Variants in ADAMTS20 observed in about 807,000 individuals in gnomAD.
ADAMTS20 encodes the protein ADAM metallopeptidase with thrombospondin type 1 motif 20.
Under a neutral mutation model 260.1 loss-of-function variants are expected in ADAMTS20, and 225 were observed. That is an observed-to-expected ratio of 0.87 (90% CI 0.78 to 0.97). The LOEUF (loss-of-function observed/expected upper bound fraction) is 0.97. Ranked by LOEUF, ADAMTS20 falls within the 50% of genes least tolerant of loss-of-function variation. ADAMTS20 has a pLI of 0.00. For synonymous variants in ADAMTS20, 802 were observed against 769.5 expected, an observed-to-expected ratio of 1.04 and a Z score of -0.70; for missense variants, 2,400 against 2,337.7, an observed-to-expected ratio of 1.03 and a Z score of -0.55.
intron 29 of ADAMTS20, among the ~76,000 whole-genome samples, chr12:43,397,677 A>G (rs1940732185): frequency 6.6e-6 from 1 of 152,182 alleles, no homozygotes; most frequent in South Asian, 2.1e-4. Flanking sequence ...TTAAATCATG[A>G]CCTCTGGTAA....
At chr12:43,498,662 T>G (rs1383809182) in intron 4 of ADAMTS20, among the ~76,000 whole-genome samples, 1 of 152,204 alleles carries the variant, frequency 6.6e-6, no homozygotes, top group East Asian at 1.9e-4. Context: ...TGTGGACACT[T>G]ATGTGCAAAT....
chr12:43,405,617 C>T (rs1280466176), intron 28 of ADAMTS20, among the ~76,000 whole-genome samples: 3 of 151,818 alleles, frequency 2.0e-5, no homozygotes, highest in African/African-American at 7.3e-5. Context: ...ATTTTTCTCC[C>T]TCAACCATTT....
intron 16 of ADAMTS20, 88 bp downstream of exon 16, chr12:43,443,703 C>T: frequency 3.8e-6 from 4 of 1,053,276 alleles, no homozygotes; most frequent in African/African-American, 1.6e-5. Context: ...AAAGGGACTC[C>T]TGTTTTCCAA....
rs1378580839 is a variant in ADAMTS20, at chr12:43,385,988, A to C, written c.4453-2011T>G. ...TGATGGTAGTTTGTATTTCTGTGGG[A>C]TCAGTGGTGATATCTCCTTTATCAT... On this transcript the variant is annotated intron_variant, in intron 29 of 38. Transcript: ENST00000389420. 2.6e-5 allele frequency among the ~76,000 whole-genome samples: 4 copies of C among 152,088 alleles called. No homozygotes were observed. The South Asian group carries it at 8.3e-4, about 32-fold the overall frequency.
chr12:43,531,520 G>T (rs1943219966), intron 3 of ADAMTS20, among the ~76,000 whole-genome samples: 1 of 152,050 alleles, frequency 6.6e-6, no homozygotes, highest in Non-Finnish European at 1.5e-5. Context: ...TTGTTTAAAA[G>T]ATCATGTCCT....
intron 2 of ADAMTS20, among the ~76,000 whole-genome samples, chr12:43,535,783 G>T (rs1592114941): frequency 6.6e-6 from 1 of 151,988 alleles, no homozygotes; most frequent in South Asian, 2.1e-4. Flanking sequence ...TCTAAGAAGG[G>T]TTCATTTAAT....
intron 12 of ADAMTS20, among the ~76,000 whole-genome samples, 172 bp downstream of exon 12, chr12:43,453,734 TA>T (rs768370249): frequency 1.3e-5 from 2 of 151,194 alleles, no homozygotes; most frequent in Non-Finnish European, 3.0e-5. Context: ...TTTTTTTTTT[TA>T]AATGTCTGAA....
intron 3 of ADAMTS20, among the ~76,000 whole-genome samples, chr12:43,520,626 T>G (rs901484279): frequency 6.6e-6 from 1 of 152,170 alleles, no homozygotes; most frequent in African/African-American, 2.4e-5. Context: ...AAGTGATCTT[T>G]GAAAGAGTAG....
rs1941530603 is a variant in ADAMTS20 at position 43,435,360 on chromosome 12, G to C, written c.2594-989C>G. Among the ~76,000 whole-genome samples the C allele has an allele frequency of 2.0e-5, 3 of 152,164 alleles. No individual in the cohort carries two copies. In the South Asian group the frequency reaches 6.2e-4, roughly 32 times the overall value. On this transcript the variant is annotated intron_variant, in intron 18 of 38. Coordinates refer to ENST00000389420, the MANE Select transcript of ADAMTS20 (RefSeq NM_025003.5). ...AACTTCTCTAAAAAATAAAGTCTAG[G>C]CCGGGCGTGTTGGCTCACACCTGTA...
intron 4 of ADAMTS20, among the ~76,000 whole-genome samples, chr12:43,501,503 A>ACACACACACACACACACACACACACC (rs1565574033): frequency 1.0e-5 from 1 of 96,872 alleles, no homozygotes; most frequent in Non-Finnish European, 2.2e-5. Flanking sequence ...ACACACACAC[A>ACACACACACACACACACACACACACC]TGTAAGGATG....
chr12:43,514,426 G>A (rs1470045953), intron 3 of ADAMTS20, among the ~76,000 whole-genome samples: 1 of 151,780 alleles, frequency 6.6e-6, no homozygotes, highest in East Asian at 2.0e-4. Context: ...GTTGGGTGTA[G>A]TGGCGCGTGC....
rs1941443528 is a variant in ADAMTS20, at chr12:43,431,516, C to A, written c.3097-20G>T. 6.2e-7 allele frequency: 1 copy of A among 1,613,296 alleles called. No individual in the cohort carries two copies. The highest frequency in any genetic ancestry group is 8.5e-7 in the Non-Finnish European group (1 of 1,179,552). ...AAGGCACTGTAAGAATAAAACTGAT[C>A]ATTATTTATTTGCAGCATTAGTCAA... is the stretch of plus-strand genomic sequence containing the variant. On this transcript the variant is annotated intron_variant, in intron 21 of 38. Transcript: ENST00000389420.
At chr12:43,517,417 A>G (rs1030788589) in intron 3 of ADAMTS20, among the ~76,000 whole-genome samples, 1 of 152,030 alleles carries the variant, frequency 6.6e-6, no homozygotes, top group Non-Finnish European at 1.5e-5. Flanking sequence ...GTTAGAAAAT[A>G]AAATTTTTAA....
intron 22 of ADAMTS20, among the ~76,000 whole-genome samples, chr12:43,430,677 C>T (rs1236671962): frequency 1.3e-5 from 2 of 151,464 alleles, no homozygotes; most frequent in Non-Finnish European, 2.9e-5. Context: ...TGAAGTTAAC[C>T]AAACTGTACA....
chr12:43,371,197 C>A (rs546364659), intron 36 of ADAMTS20, among the ~76,000 whole-genome samples: 15 of 152,286 alleles, frequency 9.8e-5, no homozygotes, highest in African/African-American at 3.6e-4. Flanking sequence ...ATGCTTCTCC[C>A]TTCCATGCTT....
chr12:43,425,195 G>A (rs1941308245), intron 28 of ADAMTS20, among the ~76,000 whole-genome samples: 1 of 152,096 alleles, frequency 6.6e-6, no homozygotes, highest in Non-Finnish European at 1.5e-5. Flanking sequence ...CTTATAAGTG[G>A]AAGCTGAATG....
intron 36 of ADAMTS20, among the ~76,000 whole-genome samples, chr12:43,373,161 C>T (rs1940142302): frequency 6.6e-6 from 1 of 152,148 alleles, no homozygotes; most frequent in Non-Finnish European, 1.5e-5. Context: ...TTAATCAAGG[C>T]TGGATTTTTA....
intron 28 of ADAMTS20, among the ~76,000 whole-genome samples, chr12:43,403,919 T>G (rs569461478): frequency 6.6e-6 from 1 of 152,102 alleles, no homozygotes. Context: ...CATGTCATCA[T>G]ATCATTTCCT....
chr12:43,390,637 T>C (rs1356663930), intron 29 of ADAMTS20, among the ~76,000 whole-genome samples: 2 of 152,208 alleles, frequency 1.3e-5, no homozygotes, highest in East Asian at 1.9e-4. Context: ...TGTTTTTTTG[T>C]TTGTTTTTTG....
Sources: gnomAD v4.1 joint callset for allele counts (sites outside exome capture counted in the v4.1 genomes callset) on GRCh38, gnomAD v4.1.1 for gene constraint, MANE v1.5 for transcripts, NCBI Gene and HGNC (gene_info 2026-07-23, HGNC 2026-07-21) for gene names.